TMPRSS11B: variants seen among roughly 807,000 people sequenced by gnomAD.
TMPRSS11B encodes the protein transmembrane serine protease 11B.
TMPRSS11B carries 53 observed loss-of-function variants against 44.7 expected under a neutral mutation model. That is an observed-to-expected ratio of 1.19 (90% CI 0.95 to 1.49). The LOEUF (loss-of-function observed/expected upper bound fraction) is 1.49, where lower values mean the gene tolerates loss of function less well. Ranked by LOEUF, TMPRSS11B falls within the 40% of genes most tolerant of loss-of-function variation. The pLI, the probability that TMPRSS11B is intolerant of heterozygous loss-of-function variation, is 0.00. For synonymous variants in TMPRSS11B, 140 were observed against 159.2 expected, an observed-to-expected ratio of 0.88 and a Z score of 0.91; for missense variants, 526 against 494.8, an observed-to-expected ratio of 1.06 and a Z score of -0.60.
rs77411289 is a variant in TMPRSS11B at position 68,236,580 on chromosome 4, G to A, written c.125-314C>T. 1.9e-3 allele frequency among the ~76,000 whole-genome samples: 294 copies of A among 152,176 alleles called. 12 individuals carry two copies. The East Asian group carries it at 0.048, about 25-fold the overall frequency. Reference sequence around the variant, plus strand: ...GGCAACTCCATATCATTCATTCAATGATCCCCGCTTTCCCTTTATGTGATA... The same window carrying A: ...GGCAACTCCATATCATTCATTCAATAATCCCCGCTTTCCCTTTATGTGATA... On this transcript the variant is annotated intron_variant, in intron 2 of 9. Transcript: ENST00000332644.
intron 6 of TMPRSS11B, 105 bp downstream of exon 6, chr4:68,232,273 G>T: frequency 1.8e-6 from 2 of 1,102,976 alleles, no homozygotes; most frequent in Non-Finnish European, 2.7e-6. Context: ...CGGAAAGCGT[G>T]TTATGGGATT....
At chr4:68,234,118 G>A (rs1206072284) in intron 5 of TMPRSS11B, among the ~76,000 whole-genome samples, 3 of 151,138 alleles carry the variant, frequency 2.0e-5, no homozygotes, top group East Asian at 2.0e-4. Context: ...CCGAGATCAC[G>A]CCACTGCACT....
intron 1 of TMPRSS11B, 27 bp downstream of exon 1, chr4:68,245,524 T>A (rs369638174): frequency 4.3e-6 from 7 of 1,613,124 alleles, no homozygotes; most frequent in Non-Finnish European, 5.9e-6. Context: ...TTTGCCAACT[T>A]GCTCTCCCCA....
At position 68,227,083 on chromosome 4, in the gene TMPRSS11B, G is replaced by A. The variant is rs887329357; in HGVS notation, c.*828C>T. ...TGATCTGTAAATTGAAAGACTCAGTGTAGCTGGAGCTCTGATACTCCTTCT... is the reference window on the plus strand; with the variant it reads ...TGATCTGTAAATTGAAAGACTCAGTATAGCTGGAGCTCTGATACTCCTTCT... On this transcript the variant is annotated 3_prime_UTR_variant, in exon 10 of 10. Transcript: ENST00000332644. 5.3e-5 allele frequency: 8 copies of A among 152,152 alleles called. No homozygotes were observed. Among genetic ancestry groups the A allele is most frequent in the Admixed American group, 3.9e-4 (6 of 15,282 alleles). The allele number at this position is 152,152 out of a possible 1,614,324, so 9.4% of individuals were successfully genotyped here.
At chr4:68,236,977 C>T (rs756626708) in intron 2 of TMPRSS11B, among the ~76,000 whole-genome samples, 1 of 151,048 alleles carries the variant, frequency 6.6e-6, no homozygotes, top group Non-Finnish European at 1.5e-5. Context: ...CTGGGATACA[C>T]GTGCAGAACA....
chr4:68,239,796 C>T (rs921436307), intron 2 of TMPRSS11B, among the ~76,000 whole-genome samples: 6 of 152,100 alleles, frequency 3.9e-5, no homozygotes, highest in South Asian at 2.1e-4. Flanking sequence ...GGTCATGCCC[C>T]GGTCCAACTG....
chr4:68,231,196 A>G lies in TMPRSS11B; in HGVS notation c.686+7T>C, dbSNP rs2109956135. The stretch of plus-strand genomic sequence containing the variant: ...CATCCTTCATTTAGTCAAATTTTCA[A>G]ACTTACTTAGCAAAGCAGTGAGCTG... On this transcript the variant is annotated splice_region_variant and intron_variant, in intron 7 of 9. Transcript: ENST00000332644. The G allele has an allele frequency of 1.3e-6, 2 of 1,595,328 alleles. No individual in the cohort carries two copies. Among genetic ancestry groups the G allele is most frequent in the East Asian group, 4.5e-5 (2 of 44,422 alleles).
In TMPRSS11B at chr4:68,226,662, G is replaced by A. The variant is rs1719361074; in HGVS notation, c.*1249C>T. ...TAGCTCCACAAACAAATGAAGAAATGAGTACTTTTTTAGTTTATTTTAATG... is the reference window on the plus strand; with the variant it reads ...TAGCTCCACAAACAAATGAAGAAATAAGTACTTTTTTAGTTTATTTTAATG... On this transcript the variant is annotated 3_prime_UTR_variant, in exon 10 of 10. Coordinates refer to ENST00000332644, the MANE Select transcript of TMPRSS11B (RefSeq NM_182502.3). 1 of 152,078 alleles carries A rather than the reference G, an allele frequency of 6.6e-6. No homozygotes were observed. The highest frequency in any genetic ancestry group is 1.5e-5 in the Non-Finnish European group (1 of 68,022). The allele number at this position is 152,078 out of a possible 1,614,324, so 9.4% of individuals were successfully genotyped here. A position where few individuals can be genotyped will look rare whatever the true frequency, so the allele number is the denominator to read the frequency against.
In TMPRSS11B at chr4:68,228,856, G is replaced by C; in HGVS notation, c.975C>G (p.Asp325Glu). Residue 325 changes from aspartate (D) to glutamate (E), a missense_variant, in exon 9 of 10, where the codon GAC becomes GAG. Coordinates refer to ENST00000332644, the MANE Select transcript of TMPRSS11B (RefSeq NM_182502.3). ...NGSFPVILQEDFLKIIDNKIC... is the reference protein window; with the variant it reads ...NGSFPVILQEEFLKIIDNKIC... ...TTTTGTTGTCAATAATCTTCAAAAA[G>C]TCTTCTTGAAGTATCACTGGAAATG... is the stretch of plus-strand genomic sequence containing the variant. The C allele has an allele frequency of 6.2e-7, 1 of 1,613,554 alleles. No individual in the cohort carries two copies. Among genetic ancestry groups the C allele is most frequent in the South Asian group, 1.1e-5 (1 of 90,928 alleles).
chr4:68,243,858 A>G (rs1394539693), intron 1 of TMPRSS11B, among the ~76,000 whole-genome samples: 1 of 152,158 alleles, frequency 6.6e-6, no homozygotes, highest in African/African-American at 2.4e-5. Flanking sequence ...CCAGCTTAAA[A>G]GAGATTTTTC....
chr4:68,240,150 A>G (rs1028546386), intron 2 of TMPRSS11B, among the ~76,000 whole-genome samples: 1 of 152,220 alleles, frequency 6.6e-6, no homozygotes. Flanking sequence ...ATGAGGGATT[A>G]CAATAGCTGC....
At chr4:68,242,659 C>T (rs1364474166) in intron 1 of TMPRSS11B, among the ~76,000 whole-genome samples, 1 of 150,556 alleles carries the variant, frequency 6.6e-6, no homozygotes, top group Non-Finnish European at 1.5e-5. Context: ...AACCTCTGCC[C>T]CACTGGGCTC....
chr4:68,229,641 A>C, intron 7 of TMPRSS11B, 125 bp from the exon 8 acceptor site: 2 of 848,818 alleles, frequency 2.4e-6, no homozygotes, highest in South Asian at 2.1e-5. Flanking sequence ...CTGAAATTCT[A>C]TTTTGAAAAC....
At chr4:68,237,256 A>G (rs1196545425) in intron 2 of TMPRSS11B, among the ~76,000 whole-genome samples, 1 of 152,114 alleles carries the variant, frequency 6.6e-6, no homozygotes, top group Non-Finnish European at 1.5e-5. Context: ...ATGTCCCTGC[A>G]AAAGACATGA....
At chr4:68,229,643 T>C in intron 7 of TMPRSS11B, 127 bp from the exon 8 acceptor site, 1 of 817,712 alleles carries the variant, frequency 1.2e-6, no homozygotes, top group Non-Finnish European at 1.9e-6. Flanking sequence ...GAAATTCTAT[T>C]TTGAAAACTA....
At chr4:68,231,995 A>C (rs1560441593) in intron 6 of TMPRSS11B, 1 of 158,264 alleles carries the variant, frequency 6.3e-6, no homozygotes. Context: ...AAAAATAATA[A>C]TAATTTTTAA....
Position 68,231,287 on chromosome 4 carries a change from C to G in TMPRSS11B, c.602G>C (p.Ser201Thr). The G allele has an allele frequency of 1.2e-6, 2 of 1,613,998 alleles. No homozygotes were observed. Among genetic ancestry groups the G allele is most frequent in the Non-Finnish European group, 1.7e-6 (2 of 1,179,982 alleles). ...SLEGAWPWQASMQWKGRHYCG... is the reference protein window; with the variant it reads ...SLEGAWPWQATMQWKGRHYCG... ...GTAGTGACGGCCTTTCCATTGCATG[C>G]TGGCCTGCCATGGCCATGCCCCCTC... Residue 201 changes from serine (S) to threonine (T), a missense_variant, in exon 7 of 10, where the codon AGC becomes ACC. Transcript: ENST00000332644.
intron 1 of TMPRSS11B, among the ~76,000 whole-genome samples, chr4:68,244,800 T>G (rs1241352225): frequency 6.6e-5 from 10 of 152,230 alleles, no homozygotes; most frequent in Admixed American, 4.6e-4. Context: ...ATAATTTTCA[T>G]GTATTAGAAC....
At position 68,226,779 on chromosome 4, in the gene TMPRSS11B, C is replaced by CT. The variant is rs1719363534; in HGVS notation, c.*1131dup. 1 of 152,268 alleles carries CT rather than the reference C, an allele frequency of 6.6e-6. No individual in the cohort carries two copies. The highest frequency in any genetic ancestry group is 2.1e-4 in the South Asian group (1 of 4,824). The allele number at this position is 152,268 out of a possible 1,614,324, so 9.4% of individuals were successfully genotyped here. A position where few individuals can be genotyped will look rare whatever the true frequency, so the allele number is the denominator to read the frequency against. On this transcript the variant is annotated 3_prime_UTR_variant, in exon 10 of 10. Coordinates refer to ENST00000332644, the MANE Select transcript of TMPRSS11B (RefSeq NM_182502.3). ...AAAGTTAGCCATCCATATGATTGCA[C>CT]TTTTACTATAAGGAGATGCCACACA...
Sources: allele counts gnomAD v4.1 joint callset (sites outside exome capture counted in the v4.1 genomes callset), GRCh38; gene constraint gnomAD v4.1.1; transcripts MANE v1.5; gene names NCBI Gene and HGNC (gene_info 2026-07-23, HGNC 2026-07-21).